Variants in CD5 observed in about 807,000 individuals in gnomAD.
The protein encoded by CD5 is T-cell surface glycoprotein CD5.
CD5 carries 36 observed loss-of-function variants against 60.3 expected under a neutral mutation model. That is an observed-to-expected ratio of 0.60 (90% confidence interval 0.46 to 0.79). The LOEUF (loss-of-function observed/expected upper bound fraction) is 0.79. Among genes scored for constraint, CD5 ranks in the 30% least tolerant of loss-of-function variants. CD5 has a pLI of 0.00. For synonymous variants in CD5, 230 were observed against 257.6 expected (o/e 0.89, Z 1.03); for missense variants, 540 against 630.6 (o/e 0.86, Z 1.54).
At chr11:61,116,878 A>G (rs1860974054) in intron 2 of CD5, among the ~76,000 whole-genome samples, 1 of 142,954 alleles carries the variant, frequency 7.0e-6, no homozygotes, top group Admixed American at 6.9e-5. Context: ...CACACACACT[A>G]CACCACACAG....
rs1861017947 is a variant in CD5 at position 61,119,343 on chromosome 11, C to T, written c.573C>T (p.Asp191=). The T allele has an allele frequency of 1.9e-6, 3 of 1,613,990 alleles. No individual in the cohort carries two copies. Among genetic ancestry groups the T allele is most frequent in the Non-Finnish European group, 2.5e-6 (3 of 1,180,024 alleles). Residue 191 remains aspartate (D), a synonymous_variant, in exon 5 of 11, where the codon GAC becomes GAT. Transcript: ENST00000347785. ...GTACCATCAGCTATGAGGCCCAGGA[C>T]AAGACCCAGGACCTGGAGAACTTCC... ...LGGTISYEAQ[D]KTQDLENFLC...
At chr11:61,095,447 T>C in the CD5 span, among the ~76,000 whole-genome samples, 1 of 152,174 alleles carries the variant, frequency 6.6e-6, no homozygotes, top group Admixed American at 6.5e-5. Flanking sequence ...CTGAAAAGCC[T>C]CAAGCTTTAA....
intron 4 of CD5, 75 bp from the exon 5 acceptor site, chr11:61,119,159 G>A: frequency 7.1e-7 from 1 of 1,409,594 alleles, no homozygotes. Context: ...CACAAGTTGG[G>A]GCCAAACAGC....
the CD5 span, among the ~76,000 whole-genome samples, chr11:61,094,641 G>A: frequency 5.4e-5 from 8 of 147,048 alleles, no homozygotes; most frequent in East Asian, 1.4e-3. Flanking sequence ...AACTGTAAAA[G>A]TGTGTGTGTG....
upstream of CD5, chr11:61,102,440 T>TA: frequency 3.9e-6 from 2 of 507,684 alleles, no homozygotes; most frequent in Non-Finnish European, 3.6e-6. Flanking sequence ...CTGCTCCCCG[T>TA]CCCACCCCTC....
intron 4 of CD5, 113 bp from the exon 5 acceptor site, chr11:61,119,121 C>G: frequency 1.7e-6 from 2 of 1,209,544 alleles, no homozygotes; most frequent in South Asian, 2.8e-5. Context: ...CATCACCTCC[C>G]AAGGCTAAGC....
At chr11:61,101,993 A>G (rs991200947), upstream of CD5, among the ~76,000 whole-genome samples, 3 of 151,956 alleles carry the variant, frequency 2.0e-5, no homozygotes, top group Non-Finnish European at 2.9e-5. Flanking sequence ...CATCTCTTGT[A>G]CTTGCTAGCA....
intron 1 of CD5, among the ~76,000 whole-genome samples, chr11:61,108,839 G>A (rs1422892543): frequency 1.3e-5 from 2 of 152,214 alleles, no homozygotes; most frequent in Non-Finnish European, 2.9e-5. Context: ...GTCTTCTGAG[G>A]CTCTAGAAAG....
Position 61,123,051 on chromosome 11 carries a change from A to G in CD5, c.1225+19A>G, listed in dbSNP as rs1292081483. 1 of 1,594,252 alleles carries G rather than the reference A, an allele frequency of 6.3e-7. No homozygotes were observed. The highest frequency in any genetic ancestry group is 8.5e-7 in the Non-Finnish European group (1 of 1,169,630). On this transcript the variant is annotated intron_variant, in intron 7 of 10. Coordinates refer to ENST00000347785, the MANE Select transcript of CD5 (RefSeq NM_014207.4). ...AAGAAATGTAGGTGTCACGGCCCTG[A>G]GTGGCTCCGTTCCCACGTGCAGAGA...
At chr11:61,117,777 G>C (rs961307810) in intron 2 of CD5, among the ~76,000 whole-genome samples, 18 of 152,160 alleles carry the variant, frequency 1.2e-4, no homozygotes, top group African/African-American at 4.1e-4. Flanking sequence ...GGGATTACAG[G>C]CATGAGCCAC....
Position 61,118,581 on chromosome 11 carries a change from G to A in CD5, c.400+101G>A. 8.0e-7 allele frequency: 1 copy of A among 1,248,752 alleles called. No homozygotes were observed. The allele number at this position is 1,248,752 out of a possible 1,614,324, so 77.4% of individuals were successfully genotyped here. A position where few individuals can be genotyped will look rare whatever the true frequency, so the allele number is the denominator to read the frequency against. Reference sequence around the variant, plus strand: ...CTAGGGTCTGAGCAGGCTGGTGGAAGGGGTGGGGGGACCCCAGTTTATAAC... The same window carrying A: ...CTAGGGTCTGAGCAGGCTGGTGGAAAGGGTGGGGGGACCCCAGTTTATAAC... On this transcript the variant is annotated intron_variant, in intron 3 of 10. Transcript: ENST00000347785. The surrounding 1 kb of genome is among the most constrained non-coding windows in gnomAD (Gnocchi z 4.7).
At chr11:61,106,642 T>A (rs1425083795) in intron 1 of CD5, among the ~76,000 whole-genome samples, 2 of 152,176 alleles carry the variant, frequency 1.3e-5, no homozygotes, top group Non-Finnish European at 2.9e-5. Flanking sequence ...CTGACAAAAT[T>A]GATTGAACAT....
At chr11:61,101,992 T>A (rs1860699931), upstream of CD5, among the ~76,000 whole-genome samples, 1 of 152,004 alleles carries the variant, frequency 6.6e-6, no homozygotes, top group South Asian at 2.1e-4. Context: ...CCATCTCTTG[T>A]ACTTGCTAGC....
intron 7 of CD5, 41 bp from the exon 8 acceptor site, chr11:61,123,843 G>T: frequency 4.5e-6 from 2 of 440,934 alleles, no homozygotes; most frequent in Non-Finnish European, 3.2e-6. Context: ...ACCCATACCT[G>T]CCCCCACCAC....
Position 61,114,145 on chromosome 11 carries a change from C to T in CD5, c.56-911C>T, listed in dbSNP as rs533683205. Among the ~76,000 whole-genome samples, 7 of 152,266 alleles carry T rather than the reference C, an allele frequency of 4.6e-5. No individual in the cohort carries two copies. In the South Asian group the frequency reaches 1.5e-3, roughly 32 times the overall value. ...ACAAACAAAAAAAAACAGGGTCTTACTCTGTCACCCAGCTAGAGTGCTGTG... is the reference window on the plus strand; with the variant it reads ...ACAAACAAAAAAAAACAGGGTCTTATTCTGTCACCCAGCTAGAGTGCTGTG... On this transcript the variant is annotated intron_variant, in intron 1 of 10. Coordinates refer to ENST00000347785, the MANE Select transcript of CD5 (RefSeq NM_014207.4).
At position 61,127,071 on chromosome 11, in the gene CD5, C is replaced by T. The variant is rs1359367051; in HGVS notation, c.*786C>T. 6.6e-6 allele frequency: 1 copy of T among 152,230 alleles called. No individual in the cohort carries two copies. Among genetic ancestry groups the T allele is most frequent in the Non-Finnish European group, 1.5e-5 (1 of 68,058 alleles). The allele number at this position is 152,230 out of a possible 1,614,324, so 9.4% of individuals were successfully genotyped here. On this transcript the variant is annotated 3_prime_UTR_variant, in exon 11 of 11. Transcript: ENST00000347785. ...TAACCAACTTGGTTTTTTGCTTCAC[C>T]CAGCAATTAAAAGTCCCAAGCTGAG...
intron 1 of CD5, among the ~76,000 whole-genome samples, chr11:61,107,500 C>T (rs1281996294): frequency 2.6e-5 from 4 of 152,242 alleles, no homozygotes; most frequent in Non-Finnish European, 5.9e-5. Flanking sequence ...GTGCTCTTAA[C>T]ACACGCAGTG....
chr11:61,099,478 T>TCACACACACACAACATGAGATCA (rs71043745), upstream of CD5, among the ~76,000 whole-genome samples: 2 of 105,478 alleles, frequency 1.9e-5, 1 homozygote, highest in African/African-American at 9.4e-5. Context: ...AACATGGAGA[T>TCACACACACACAACATGAGATCA]CACACACACA....
At chr11:61,123,175 C>T in intron 7 of CD5, 143 bp downstream of exon 7, 1 of 956,924 alleles carries the variant, frequency 1.0e-6, no homozygotes, top group East Asian at 2.7e-5. Flanking sequence ...CTTCCCCTCT[C>T]CTGCCCATTA....
Sources: allele counts gnomAD v4.1 joint callset (sites outside exome capture counted in the v4.1 genomes callset), GRCh38; gene constraint gnomAD v4.1.1; non-coding constraint Gnocchi (gnomAD v3.1); transcripts MANE v1.5; gene names NCBI Gene and HGNC (gene_info 2026-07-23, HGNC 2026-07-21).